The following WDR27 variants were observed in gnomAD, a reference collection of about 807,000 sequenced individuals.
WDR27 encodes WD repeat-containing protein 27.
A neutral mutation model predicts 114.4 loss-of-function variants in WDR27; 100 were observed. That is an observed-to-expected ratio of 0.87 (90% CI 0.74 to 1.03). The LOEUF is 1.03. Ranked by LOEUF, WDR27 falls within the 50% of genes least tolerant of loss-of-function variation. The probability of loss-of-function intolerance (pLI) is 0.00; values close to 1 mark genes in which losing one functional copy is unlikely to be tolerated. For synonymous variants in WDR27, 449 were observed against 423.1 expected (o/e 1.06, Z -0.75); for missense variants, 1,129 against 1,092.9 (o/e 1.03, Z -0.47).
intron 21 of WDR27, among the ~76,000 whole-genome samples, chr6:169,625,775 G>C (rs1270690768): frequency 6.6e-6 from 1 of 152,174 alleles, no homozygotes; most frequent in South Asian, 2.1e-4. Context: ...GCTCTGGGGG[G>C]GATGAGGATG....
In WDR27 at chr6:169,613,609, C is replaced by T; in HGVS notation, c.2271G>A (p.Leu757=). 6.2e-7 allele frequency: 1 copy of T among 1,613,790 alleles called. No individual in the cohort carries two copies. Among genetic ancestry groups the T allele is most frequent in the Non-Finnish European group, 8.5e-7 (1 of 1,179,808 alleles). Residue 757 remains leucine (L), a synonymous_variant, in exon 22 of 26, where the codon CTG becomes CTA. Transcript: ENST00000448612. ...TCATCCCATCGCCAATGGCCGTGGT[C>T]AGGAAAAGGTTATAAGCCTGAGGCT... is the stretch of plus-strand genomic sequence containing the variant. The part of the protein sequence containing the change: ...TQQPQAYNLF[L]TTAIGDGMRL...
chr6:169,583,503 A>C (rs1389937617), intron 23 of WDR27, among the ~76,000 whole-genome samples: 3 of 26,368 alleles, frequency 1.1e-4, no homozygotes, highest in African/African-American at 2.9e-4. Flanking sequence ...ATATATATAT[A>C]TGTATATATA....
intron 13 of WDR27, among the ~76,000 whole-genome samples, chr6:169,654,744 C>T (rs570487465): frequency 6.6e-6 from 1 of 150,530 alleles, no homozygotes; most frequent in Non-Finnish European, 1.5e-5. Flanking sequence ...GGAGGAGGCG[C>T]GCACAGGGTT....
rs372527787 is a variant in WDR27, at chr6:169,577,437, GC to G, written c.2524-4898del. The stretch of plus-strand genomic sequence containing the variant: ...CTTGGCGGGTATGGCTGCGTCGGGG[GC>G]CTGGAGACGGGGAGATGGTTCTGGA... On this transcript the variant is annotated intron_variant, in intron 24 of 25. Coordinates refer to ENST00000448612, the MANE Select transcript of WDR27 (RefSeq NM_182552.5). Among the ~76,000 whole-genome samples, 1,356 of 152,322 alleles carry G rather than the reference GC, an allele frequency of 8.9e-3. 31 individuals are homozygous for G. Among genetic ancestry groups the G allele is most frequent in the African/African-American group, 0.032 (1,315 of 41,574 alleles).
At chr6:169,627,092 T>A (rs1815045310) in intron 21 of WDR27, among the ~76,000 whole-genome samples, 1 of 152,166 alleles carries the variant, frequency 6.6e-6, no homozygotes, top group Admixed American at 6.5e-5. Context: ...TTTGTCAGGG[T>A]CCTCCTCCAT....
At chr6:169,676,323 G>C (rs1585096323) in intron 2 of WDR27, among the ~76,000 whole-genome samples, 1 of 152,160 alleles carries the variant, frequency 6.6e-6, no homozygotes. Flanking sequence ...AAACCATAAA[G>C]TCTCATCAGA....
intron 21 of WDR27, among the ~76,000 whole-genome samples, chr6:169,630,633 C>T (rs898323081): frequency 2.8e-4 from 42 of 152,212 alleles, no homozygotes; most frequent in African/African-American, 8.7e-4. Context: ...CAGTGGCTCA[C>T]GCCTGTAATC....
intron 25 of WDR27, among the ~76,000 whole-genome samples, chr6:169,558,021 G>A (rs1374561323): frequency 2.6e-5 from 4 of 152,002 alleles, no homozygotes; most frequent in African/African-American, 4.8e-5. Context: ...AGAACTATGA[G>A]AGCATAAATC....
chr6:169,436,642 TGA>T, the WDR27 span, among the ~76,000 whole-genome samples: 17 of 152,080 alleles, frequency 1.1e-4, no homozygotes, highest in Admixed American at 7.9e-4. Context: ...TAAATGTAAA[TGA>T]GATTTATAAA....
intron 25 of WDR27, among the ~76,000 whole-genome samples, chr6:169,545,650 C>G (rs1027340131): frequency 6.6e-6 from 1 of 152,154 alleles, no homozygotes; most frequent in Non-Finnish European, 1.5e-5. Context: ...TGCGCTCCAG[C>G]CTTGGTGACA....
At chr6:169,624,402 A>C (rs775270653) in intron 21 of WDR27, among the ~76,000 whole-genome samples, 9 of 152,166 alleles carry the variant, frequency 5.9e-5, no homozygotes, top group Non-Finnish European at 7.3e-5. Flanking sequence ...TTCGAAGCTC[A>C]CCAGAGTGCA....
chr6:169,694,516 G>A (rs940206605), intron 1 of WDR27, among the ~76,000 whole-genome samples: 5 of 152,184 alleles, frequency 3.3e-5, no homozygotes, highest in Admixed American at 1.3e-4. Flanking sequence ...ATTATAATAT[G>A]AAATGTAGCA....
intron 25 of WDR27, among the ~76,000 whole-genome samples, chr6:169,510,509 T>C (rs970844466): frequency 6.6e-6 from 1 of 151,952 alleles, no homozygotes; most frequent in Non-Finnish European, 1.5e-5. Flanking sequence ...GGAACCATCA[T>C]TCTCAGCAAA....
At chr6:169,698,415 C>T (rs969488773) in intron 1 of WDR27, among the ~76,000 whole-genome samples, 4 of 152,300 alleles carry the variant, frequency 2.6e-5, no homozygotes, top group African/African-American at 9.6e-5. Context: ...CCGACACACA[C>T]ACACACATAC....
At chr6:169,485,057 CT>C (rs1364219571) in intron 25 of WDR27, among the ~76,000 whole-genome samples, 1 of 152,138 alleles carries the variant, frequency 6.6e-6, no homozygotes, top group Non-Finnish European at 1.5e-5. Flanking sequence ...AAACCCAAAA[CT>C]ATAAAAACCC....
chr6:169,453,061 G>C (rs991977139), downstream of WDR27, among the ~76,000 whole-genome samples: 1 of 152,220 alleles, frequency 6.6e-6, no homozygotes, highest in South Asian at 2.1e-4. Flanking sequence ...CCCAGGCCTA[G>C]GGCTGATCAG....
At chr6:169,503,428 C>T (rs1046668619) in intron 25 of WDR27, among the ~76,000 whole-genome samples, 1 of 152,210 alleles carries the variant, frequency 6.6e-6, no homozygotes, top group Non-Finnish European at 1.5e-5. Flanking sequence ...AATTTAACAA[C>T]AGATGACCTA....
At chr6:169,517,030 T>C (rs114272067) in intron 25 of WDR27, among the ~76,000 whole-genome samples, 1 of 152,090 alleles carries the variant, frequency 6.6e-6, no homozygotes, top group Non-Finnish European at 1.5e-5. Flanking sequence ...TTGGATTTCA[T>C]GTTGAAATGT....
chr6:169,558,513 A>T (rs1799227296), intron 25 of WDR27: 1 of 152,062 alleles, frequency 6.6e-6, no homozygotes, highest in South Asian at 2.1e-4. Flanking sequence ...GGAGACCCGG[A>T]GCACAGGCAG....
Sources: allele counts gnomAD v4.1 joint callset (sites outside exome capture counted in the v4.1 genomes callset), GRCh38; gene constraint gnomAD v4.1.1; transcripts MANE v1.5; gene names NCBI Gene and HGNC (gene_info 2026-07-23, HGNC 2026-07-21).